PCDH15: variants seen among roughly 807,000 people sequenced by gnomAD.
PCDH15 encodes protocadherin-15.
Under a neutral mutation model 178.5 loss-of-function variants are expected in PCDH15, and 129 were observed. The ratio of observed to expected loss-of-function variants is 0.72; its 90% CI spans 0.63 to 0.84. The LOEUF (loss-of-function observed/expected upper bound fraction) is 0.84. Among genes scored for constraint, PCDH15 ranks in the 40% least tolerant of loss-of-function variants. The pLI, the probability that PCDH15 is intolerant of heterozygous loss-of-function variation, is 0.00. For missense variants in PCDH15, 2,230 were observed against 2,099.9 expected (o/e 1.06, Z -1.21); for synonymous variants, 800 against 732.0 (o/e 1.09, Z -1.50).
intron 2 of PCDH15, among the ~76,000 whole-genome samples, chr10:55,421,251 A>G (rs900638107): frequency 4.0e-5 from 6 of 151,532 alleles, no homozygotes; most frequent in African/African-American, 1.4e-4. Context: ...AGATAAGACC[A>G]TAAGATTTAC....
chr10:54,839,026 C>A (rs1012459531), intron 3 of PCDH15, among the ~76,000 whole-genome samples: 1 of 152,140 alleles, frequency 6.6e-6, no homozygotes, highest in African/African-American at 2.4e-5. Context: ...GAGAATCCAA[C>A]AAGAAGTGGT....
intron 3 of PCDH15, among the ~76,000 whole-genome samples, chr10:54,457,106 G>T (rs764979620): frequency 1.1e-4 from 17 of 152,116 alleles, no homozygotes; most frequent in Non-Finnish European, 2.4e-4. Flanking sequence ...AGGTAAGAGA[G>T]TAGTGTAGTA....
intron 1 of PCDH15, among the ~76,000 whole-genome samples, chr10:54,795,608 G>A (rs1399185246): frequency 6.6e-6 from 1 of 151,802 alleles, no homozygotes; most frequent in Non-Finnish European, 1.5e-5. Context: ...TGGACACTGA[G>A]CTAGTTAGTG....
chr10:54,619,309 T>C (rs537546344), intron 2 of PCDH15: 1 of 152,054 alleles, frequency 6.6e-6, no homozygotes, highest in Non-Finnish European at 1.5e-5. Flanking sequence ...CATCTGTTAA[T>C]AGAGACTTAA....
intron 22 of PCDH15, among the ~76,000 whole-genome samples, chr10:53,960,500 A>G (rs768541575): frequency 6.6e-6 from 1 of 152,210 alleles, no homozygotes; most frequent in Non-Finnish European, 1.5e-5. Flanking sequence ...GATGTCTGAC[A>G]TTATTTATCA....
In PCDH15 at chr10:55,291,369, C is replaced by T. The variant is rs111959396; in HGVS notation, c.-156+28230G>A. The stretch of plus-strand genomic sequence containing the variant: ...GCAAAGGACAAGTCTTTATTCACAG[C>T]TTGTTTATCAGCATTCTAAAATCTG... On this transcript the variant is annotated intron_variant, in intron 1 of 5. Transcript: ENST00000458638. 6.5e-3 allele frequency among the ~76,000 whole-genome samples: 996 copies of T among 152,292 alleles called. 11 individuals are homozygous for T. Among genetic ancestry groups the T allele is most frequent in the African/African-American group, 0.023 (942 of 41,560 alleles).
At chr10:54,887,694 A>G (rs1399193457) in intron 3 of PCDH15, among the ~76,000 whole-genome samples, 1 of 152,168 alleles carries the variant, frequency 6.6e-6, no homozygotes, top group Admixed American at 6.5e-5. Flanking sequence ...TTGAATATTC[A>G]CAATGCTTAC....
At chr10:55,567,673 T>A (rs1277018485) in intron 2 of PCDH15, among the ~76,000 whole-genome samples, 1 of 151,750 alleles carries the variant, frequency 6.6e-6, no homozygotes, top group Non-Finnish European at 1.5e-5. Flanking sequence ...AAATGGCAAA[T>A]AAACACTTGA....
intron 3 of PCDH15, among the ~76,000 whole-genome samples, chr10:54,878,746 G>A (rs2131803602): frequency 6.6e-6 from 1 of 152,148 alleles, no homozygotes; most frequent in East Asian, 1.9e-4. Flanking sequence ...TGCCATGGTG[G>A]TATGCTGCAC....
intron 1 of PCDH15, among the ~76,000 whole-genome samples, chr10:55,295,891 C>T (rs1429076724): frequency 6.6e-6 from 1 of 151,976 alleles, no homozygotes; most frequent in Admixed American, 6.6e-5. Context: ...TTTCCCCACA[C>T]TTCAGACACT....
At chr10:54,434,043 A>G (rs979380554) in intron 3 of PCDH15, among the ~76,000 whole-genome samples, 8 of 152,170 alleles carry the variant, frequency 5.3e-5, no homozygotes, top group African/African-American at 1.7e-4. Flanking sequence ...CTAGGCTAAA[A>G]TGTGTTTAAC....
chr10:54,602,948 G>A (rs1486645679), intron 2 of PCDH15, among the ~76,000 whole-genome samples: 1 of 151,660 alleles, frequency 6.6e-6, no homozygotes, highest in Non-Finnish European at 1.5e-5. Context: ...GATGTCTTTG[G>A]TTATCAGGTC....
intron 2 of PCDH15, among the ~76,000 whole-genome samples, chr10:55,606,620 A>C (rs1304599845): frequency 6.7e-6 from 1 of 148,492 alleles, no homozygotes; most frequent in Non-Finnish European, 1.5e-5. Flanking sequence ...GATCTTTGAC[A>C]AACCTGAGAA....
chr10:55,463,903 A>G lies in PCDH15; in HGVS notation c.-156+163722T>C, dbSNP rs533311215. Among the ~76,000 whole-genome samples the G allele has an allele frequency of 9.7e-3, 68 of 6,976 alleles. 12 individuals are homozygous for G. The highest frequency in any genetic ancestry group is 0.04 in the South Asian group (5 of 126). 4.6% of individuals were successfully genotyped at this position (6,976 alleles called of 152,430 possible). A position where few individuals can be genotyped will look rare whatever the true frequency, so the allele number is the denominator to read the frequency against. ...AGAGAAAGAGAGGGAGAGAGAGAGA[A>G]AGAAAGAAAGAAAGAAAGAAAGAAA... On this transcript the variant is annotated intron_variant, in intron 2 of 5. Coordinates refer to the PCDH15 transcript ENST00000613346.
rs568032505 is a variant in PCDH15, at chr10:54,599,419, A to G, written c.91+64753T>C. Among the ~76,000 whole-genome samples the G allele has an allele frequency of 7.2e-5, 11 of 152,258 alleles. No homozygotes were observed. In the South Asian group the frequency reaches 2.1e-3, roughly 29 times the overall value. On this transcript the variant is annotated intron_variant, in intron 2 of 37. Transcript: ENST00000644397. ...ATAAGTAATGGGGAAACAACTCCCTATTCAATAAATTGTGCTGGGATAACT... is the reference window on the plus strand; with the variant it reads ...ATAAGTAATGGGGAAACAACTCCCTGTTCAATAAATTGTGCTGGGATAACT...
chr10:54,378,056 T>C (rs1002581482), intron 4 of PCDH15, among the ~76,000 whole-genome samples: 10 of 152,002 alleles, frequency 6.6e-5, no homozygotes, highest in African/African-American at 2.4e-4. Context: ...TGCAGATTAG[T>C]GGGACTACAG....
intron 2 of PCDH15, among the ~76,000 whole-genome samples, chr10:55,108,290 G>A (rs950538565): frequency 3.9e-5 from 6 of 152,126 alleles, no homozygotes; most frequent in South Asian, 2.1e-4. Flanking sequence ...GATACAGAAA[G>A]GCCCTAAGTA....
At chr10:55,323,095 G>A (rs868002605), upstream of PCDH15, among the ~76,000 whole-genome samples, 1 of 152,270 alleles carries the variant, frequency 6.6e-6, no homozygotes. Context: ...AGTTTCAAAG[G>A]GTGCAGTTTC....
At chr10:54,852,579 G>A (rs1046269296) in intron 3 of PCDH15, among the ~76,000 whole-genome samples, 2 of 152,146 alleles carry the variant, frequency 1.3e-5, no homozygotes, top group African/African-American at 2.4e-5. Context: ...TAGGCCGGGT[G>A]CAGTGGCTCA....
Sources: gnomAD v4.1 joint callset for allele counts (sites outside exome capture counted in the v4.1 genomes callset) on GRCh38, gnomAD v4.1.1 for gene constraint, MANE v1.5 for transcripts, NCBI Gene and HGNC (gene_info 2026-07-23, HGNC 2026-07-21) for gene names.